The following ANKRD17 variants were observed in gnomAD, a reference collection of about 807,000 sequenced individuals.
The protein encoded by ANKRD17 is ankyrin repeat domain-containing protein 17.
A neutral mutation model predicts 229.7 loss-of-function variants in ANKRD17; 19 were observed. That is an observed-to-expected ratio of 0.08 (90% CI 0.06 to 0.12). The LOEUF is 0.12. ANKRD17 is among the 10% of genes least tolerant of loss of function. ANKRD17 has a pLI of 1.00. For missense variants in ANKRD17, 2,176 were observed against 3,176.8 expected, an observed-to-expected ratio of 0.68 and a Z score of 7.57; for synonymous variants, 1,112 against 1,146.1, an observed-to-expected ratio of 0.97 and a Z score of 0.60.
intron 1 of ANKRD17, among the ~76,000 whole-genome samples, chr4:73,203,478 C>T (rs1396704851): frequency 6.6e-5 from 10 of 152,156 alleles, no homozygotes; most frequent in African/African-American, 1.9e-4. Context: ...ATAATGTGGG[C>T]TGGGCGCGAT....
chr4:73,256,757 A>G (rs1273103936), intron 1 of ANKRD17, among the ~76,000 whole-genome samples: 4 of 152,248 alleles, frequency 2.6e-5, no homozygotes, highest in Non-Finnish European at 5.9e-5. Context: ...AAATGCCGCC[A>G]GAGCAACACA....
chr4:73,092,494 A>T (rs893111036), intron 28 of ANKRD17, among the ~76,000 whole-genome samples, 194 bp from the exon 29 acceptor site: 3 of 152,222 alleles, frequency 2.0e-5, no homozygotes, highest in African/African-American at 7.2e-5. Flanking sequence ...CTACAAACAA[A>T]GCAATAAACT....
intron 1 of ANKRD17, among the ~76,000 whole-genome samples, chr4:73,212,456 A>G (rs1740406371): frequency 6.6e-6 from 1 of 152,234 alleles, no homozygotes; most frequent in Non-Finnish European, 1.5e-5. Context: ...TAAATGATAT[A>G]TGTAGGGCTT....
chr4:73,148,692 G>A, intron 8 of ANKRD17, 121 bp downstream of exon 8: 1 of 871,162 alleles, frequency 1.1e-6, no homozygotes, highest in Non-Finnish European at 1.8e-6. Flanking sequence ...CTTTATCACT[G>A]GTTTGTGTAA....
rs1157719883 is a variant in ANKRD17, at chr4:73,226,389, G to GTTTT, written c.393+31883_393+31886dup. ...TAATAGTAATAATTTCTTTTCTTCT[G>GTTTT]TTTTTTTTTTTTTTTTTTTTTTTGA... On this transcript the variant is annotated intron_variant, in intron 1 of 33. Transcript: ENST00000358602. Among the ~76,000 whole-genome samples, 483 of 87,638 alleles carry GTTTT rather than the reference G, an allele frequency of 5.5e-3. 7 individuals carry two copies. The highest frequency in any genetic ancestry group is 0.014 in the Middle Eastern group (1 of 70). 57.5% of individuals were successfully genotyped at this position (87,638 alleles called of 152,430 possible).
At chr4:73,241,318 G>A (rs1744013724) in intron 1 of ANKRD17, among the ~76,000 whole-genome samples, 1 of 152,010 alleles carries the variant, frequency 6.6e-6, no homozygotes, top group Non-Finnish European at 1.5e-5. Context: ...TGAATAAAAT[G>A]TAAAAGTTAA....
chr4:73,215,454 T>C (rs1740897259), intron 1 of ANKRD17, among the ~76,000 whole-genome samples: 1 of 152,156 alleles, frequency 6.6e-6, no homozygotes, highest in African/African-American at 2.4e-5. Flanking sequence ...GAGACAGGGT[T>C]TCACCATGTT....
At chr4:73,105,671 C>T (rs549150315) in intron 24 of ANKRD17, among the ~76,000 whole-genome samples, 29 of 152,220 alleles carry the variant, frequency 1.9e-4, no homozygotes, top group Non-Finnish European at 4.0e-4. Context: ...TGGTTACCTC[C>T]ACCACAGTTA....
chr4:73,196,780 A>C (rs1737946276), intron 1 of ANKRD17, among the ~76,000 whole-genome samples: 1 of 152,200 alleles, frequency 6.6e-6, no homozygotes, highest in African/African-American at 2.4e-5. Flanking sequence ...AATGTTTGCT[A>C]TCTTAGCTTA....
chr4:73,140,129 A>G lies in ANKRD17; in HGVS notation c.2487T>C (p.Asn829=). The part of the protein sequence containing the change: ...EQRIKEAIEK[N]AQLQSLELAH... ...CCAGTTCCAAGGACTGCAGCTGTGC[A>G]TTCTTTTCTATGGCTTCTTTTATCC... The change falls in exon 15 of 34, where the codon AAT becomes AAC. Residue 829 remains asparagine, a synonymous_variant. Coordinates refer to ENST00000358602, the MANE Select transcript of ANKRD17 (RefSeq NM_032217.5). The G allele has an allele frequency of 6.2e-7, 1 of 1,614,156 alleles. No homozygotes were observed. Among genetic ancestry groups the G allele is most frequent in the Non-Finnish European group, 8.5e-7 (1 of 1,180,036 alleles).
chr4:73,216,794 CTAGT>C (rs547331986), intron 1 of ANKRD17, among the ~76,000 whole-genome samples: 18 of 152,338 alleles, frequency 1.2e-4, no homozygotes, highest in Non-Finnish European at 2.2e-4. Context: ...ACATATCCAA[CTAGT>C]TAGAGTTCTG....
intron 1 of ANKRD17, among the ~76,000 whole-genome samples, chr4:73,257,997 C>T (rs534153020): frequency 8.2e-6 from 1 of 122,370 alleles, no homozygotes; most frequent in South Asian, 2.8e-4. Context: ...GGGAATCTAA[C>T]CAATTCCCTC....
intron 24 of ANKRD17, among the ~76,000 whole-genome samples, chr4:73,107,651 T>A (rs1263871842): frequency 6.6e-6 from 1 of 152,118 alleles, no homozygotes; most frequent in African/African-American, 2.4e-5. Flanking sequence ...ATAAAATATT[T>A]CAGCCAAAGA....
At chr4:73,249,471 C>T (rs1404241356) in intron 1 of ANKRD17, among the ~76,000 whole-genome samples, 1 of 152,194 alleles carries the variant, frequency 6.6e-6, no homozygotes, top group Non-Finnish European at 1.5e-5. Context: ...AATTTATTTT[C>T]TAAACTGAAA....
chr4:73,190,210 A>G (rs1311145540), intron 1 of ANKRD17, among the ~76,000 whole-genome samples: 1 of 152,112 alleles, frequency 6.6e-6, no homozygotes, highest in Non-Finnish European at 1.5e-5. Flanking sequence ...CTCTACTAAG[A>G]GTACAAAAAT....
intron 1 of ANKRD17, among the ~76,000 whole-genome samples, chr4:73,189,499 C>T (rs899271795): frequency 1.4e-5 from 2 of 141,146 alleles, no homozygotes; most frequent in African/African-American, 5.4e-5. Flanking sequence ...TGGGTTCAAG[C>T]TATTTTCCCA....
chr4:73,117,576 C>A (rs1726126799), intron 22 of ANKRD17, among the ~76,000 whole-genome samples: 1 of 152,128 alleles, frequency 6.6e-6, no homozygotes, highest in Non-Finnish European at 1.5e-5. Flanking sequence ...AATACAGAGT[C>A]ACTGGTAGTC....
In ANKRD17 at chr4:73,097,197, A is replaced by C; in HGVS notation, c.5097T>G (p.Ser1699=). ...TCTKSGPSPL[S]SPNGKLTVAS... ...CTACTGTTAACTTCCCATTTGGAGA[A>C]GAAAGGGGAGATGGACCAGATTTTG... Residue 1699 remains serine, a synonymous_variant, in exon 27 of 34, where the codon TCT becomes TCG. Transcript: ENST00000358602. The C allele has an allele frequency of 6.2e-7, 1 of 1,612,652 alleles. No homozygotes were observed. The highest frequency in any genetic ancestry group is 1.3e-5 in the African/African-American group (1 of 74,964).
intron 2 of ANKRD17, among the ~76,000 whole-genome samples, chr4:73,162,734 T>G (rs1732695688): frequency 6.6e-6 from 1 of 152,178 alleles, no homozygotes; most frequent in African/African-American, 2.4e-5. Flanking sequence ...AACCTAACTG[T>G]TGCTCTTTCA....
Sources: allele counts gnomAD v4.1 joint callset (sites outside exome capture counted in the v4.1 genomes callset), GRCh38; gene constraint gnomAD v4.1.1; transcripts MANE v1.5; gene names NCBI Gene and HGNC (gene_info 2026-07-23, HGNC 2026-07-21).